ESYT1: variants seen among roughly 807,000 people sequenced by gnomAD.
The protein encoded by ESYT1 is extended synaptotagmin 1, also known as extended synaptotagmin-1.
ESYT1 carries 116 observed loss-of-function variants against 154.2 expected under a neutral mutation model. That is an observed-to-expected ratio of 0.75 (90% CI 0.65 to 0.88). ESYT1 has a LOEUF of 0.88. Among genes scored for constraint, ESYT1 ranks in the 40% least tolerant of loss-of-function variants. The pLI, the probability that ESYT1 is intolerant of heterozygous loss-of-function variation, is 0.00. For synonymous variants in ESYT1, 500 were observed against 539.9 expected, an observed-to-expected ratio of 0.93 and a Z score of 1.02; for missense variants, 1,264 against 1,379.3, an observed-to-expected ratio of 0.92 and a Z score of 1.32.
chr12:56,142,977 T>C lies in ESYT1; in HGVS notation c.2988-40T>C. The C allele has an allele frequency of 6.2e-7, 1 of 1,614,058 alleles. No individual in the cohort carries two copies. The highest frequency in any genetic ancestry group is 8.5e-7 in the Non-Finnish European group (1 of 1,179,990). ...TGTCCTCCAGATCGCCTCCATCCCT[T>C]CCCTCAGGTTACCATATCACCTACA... On this transcript the variant is annotated intron_variant, in intron 27 of 30. Transcript: ENST00000394048. This position sits in a 1 kb window ranked among gnomAD's most constrained non-coding sequence, Gnocchi z 4.1.
At chr12:56,141,535 T>C (rs934649397) in intron 24 of ESYT1, among the ~76,000 whole-genome samples, 5 of 151,994 alleles carry the variant, frequency 3.3e-5, no homozygotes, top group Non-Finnish European at 7.4e-5. Context: ...GGTCAGGAGA[T>C]CGAGACCATC....
At chr12:56,141,688 T>A (rs1047553425) in intron 24 of ESYT1, among the ~76,000 whole-genome samples, 2 of 151,946 alleles carry the variant, frequency 1.3e-5, no homozygotes, top group Non-Finnish European at 2.9e-5. Flanking sequence ...TGCAGTGAGC[T>A]GAGATTGCGC....
At position 56,130,817 on chromosome 12, in the gene ESYT1, G is replaced by A; in HGVS notation, c.459G>A (p.Leu153=). The change falls in exon 3 of 31, where the codon CTG becomes CTA. Residue 153 remains leucine (L), a synonymous_variant. Transcript: ENST00000394048. ...NKIVAQVWPF[L]GQYMEKLLAE... is the part of the protein sequence containing the mutation. ...TTGTGGCCCAGGTCTGGCCCTTCCT[G>A]GGCCAGTATATGGAGAAGCTTCTGG... The A allele has an allele frequency of 6.2e-7, 1 of 1,614,026 alleles. No individual in the cohort carries two copies.
At chr12:56,139,059 G>GCCAGGAAGGAAA (rs1870584179) in intron 24 of ESYT1, 46 bp downstream of exon 24, 2 of 1,471,216 alleles carry the variant, frequency 1.4e-6, no homozygotes, top group Non-Finnish European at 1.9e-6. Flanking sequence ...TTCTGCCATG[G>GCCAGGAAGGAAA]CCAGGCAGGA....
At chr12:56,139,622 TC>T (rs1238352024) in intron 24 of ESYT1, among the ~76,000 whole-genome samples, 1 of 136,972 alleles carries the variant, frequency 7.3e-6, no homozygotes, top group Non-Finnish European at 1.6e-5. Flanking sequence ...GAGACTAGAG[TC>T]TCACTCTTAT....
Position 56,143,902 on chromosome 12 carries a change from C to T in ESYT1, c.*40C>T, listed in dbSNP as rs1565877863. The T allele has an allele frequency of 6.2e-7, 1 of 1,613,018 alleles. No homozygotes were observed. The highest frequency in any genetic ancestry group is 8.5e-7 in the Non-Finnish European group (1 of 1,179,842). ...CAGCCTGACTGCTCTGTCTTCCTGC[C>T]TTCGTCTCGCTCCATCACCGCCTCA... On this transcript the variant is annotated 3_prime_UTR_variant, in exon 31 of 31. Coordinates refer to ENST00000394048, the MANE Select transcript of ESYT1 (RefSeq NM_015292.3).
chr12:56,130,701 C>T lies in ESYT1; in HGVS notation c.432+78C>T, dbSNP rs1870197174. ...TCTTCTTGCCAGACCCATCCTCAACCCTCAGTGCTCTCCGTGGGGAGGATT... is the reference window on the plus strand; with the variant it reads ...TCTTCTTGCCAGACCCATCCTCAACTCTCAGTGCTCTCCGTGGGGAGGATT... On this transcript the variant is annotated intron_variant, in intron 2 of 30. Coordinates refer to ENST00000394048, the MANE Select transcript of ESYT1 (RefSeq NM_015292.3). 8 of 1,612,892 alleles carry T rather than the reference C, an allele frequency of 5.0e-6. No individual in the cohort carries two copies. The South Asian group carries it at 6.6e-5, about 13-fold the overall frequency.
Position 56,142,312 on chromosome 12 carries a change from G to A in ESYT1, c.2620G>A (p.Gly874Ser). 6.2e-7 allele frequency: 1 copy of A among 1,614,118 alleles called. No homozygotes were observed. Among genetic ancestry groups the A allele is most frequent in the Non-Finnish European group, 8.5e-7 (1 of 1,180,018 alleles). Residue 874 changes from glycine to serine, a missense_variant, in exon 25 of 31, where the codon GGC (glycine) becomes AGC (serine). By Grantham distance (56) the Gly-to-Ser change is moderately conservative. Coordinates refer to ENST00000394048, the MANE Select transcript of ESYT1 (RefSeq NM_015292.3). This position sits in a 1 kb window ranked among gnomAD's most constrained non-coding sequence, Gnocchi z 4.1. The stretch of plus-strand genomic sequence containing the variant: ...TCGGGGTGAGGGCACTGGCGTGCTG[G>A]GCTCATTATCCCTGCCCCTCTCAGA... The part of the protein sequence containing the change: ...QVRGEGTGVL[G>S]SLSLPLSELL...
In ESYT1 at chr12:56,137,600, A is replaced by G. The variant is rs776495476; in HGVS notation, c.2040A>G (p.Leu680=). 1.4e-5 allele frequency: 22 copies of G among 1,613,972 alleles called. No homozygotes were observed. The highest frequency in any genetic ancestry group is 1.7e-5 in the Admixed American group (1 of 59,984). The change falls in exon 18 of 31, where the codon CTA becomes CTG. Residue 680 remains leucine, a synonymous_variant. Transcript: ENST00000394048. The part of the protein sequence containing the change: ...VKGKSDPYVK[L]KLAGRSFRSH... Reference sequence around the variant, plus strand: ...GCAAGTCAGACCCCTATGTCAAACTAAAGTTGGCAGGACGAAGCTTCCGGA... The same window carrying G: ...GCAAGTCAGACCCCTATGTCAAACTGAAGTTGGCAGGACGAAGCTTCCGGA...
Position 56,133,680 on chromosome 12 carries a change from C to T in ESYT1, c.1380+6C>T, listed in dbSNP as rs1870333125. 1.2e-6 allele frequency: 2 copies of T among 1,614,104 alleles called. No individual in the cohort carries two copies. Among genetic ancestry groups the T allele is most frequent in the African/African-American group, 2.7e-5 (2 of 75,010 alleles). On this transcript the variant is annotated splice_donor_region_variant and intron_variant, in intron 12 of 30. Coordinates refer to ENST00000394048, the MANE Select transcript of ESYT1 (RefSeq NM_015292.3). ...ATGCAGAGAAACTGGAGCAGGTAAG[C>T]CACATGGGAAATAGGAAGCTGGCAG... is the stretch of plus-strand genomic sequence containing the variant.
In ESYT1 at chr12:56,136,675, T is replaced by C. The variant is rs1870470246; in HGVS notation, c.1633-69T>C. ...GAGAGGAATGAAGTTGGAGCCATGT[T>C]ATCATTTTCACAGTATGCCTCCCTT... On this transcript the variant is annotated intron_variant, in intron 15 of 30. Transcript: ENST00000394048. 15 of 1,429,094 alleles carry C rather than the reference T, an allele frequency of 1.0e-5. No individual in the cohort carries two copies. In the South Asian group the frequency reaches 2.1e-4, roughly 20 times the overall value. 88.5% of individuals were successfully genotyped at this position (1,429,094 alleles called of 1,614,324 possible).
At position 56,138,807 on chromosome 12, in the gene ESYT1, C is replaced by T; in HGVS notation, c.2473C>T (p.Leu825Phe). 6.2e-7 allele frequency: 1 copy of T among 1,614,216 alleles called. No homozygotes were observed. Among genetic ancestry groups the T allele is most frequent in the East Asian group, 2.2e-5 (1 of 44,888 alleles). Residue 825 changes from leucine (L) to phenylalanine (F), a missense_variant, in exon 23 of 31, where the codon CTC becomes TTC. By Grantham distance (22) the Leu-to-Phe change is conservative. Coordinates refer to ENST00000394048, the MANE Select transcript of ESYT1 (RefSeq NM_015292.3). ...GTKHLSPYAT[L>F]TVGDSSHKTK... ...CAAGCACCTCAGCCCTTATGCTACT[C>T]TCACTGTGGGAGATAGTTCTCATAA...
chr12:56,143,425 A>T, intron 29 of ESYT1, 92 bp downstream of exon 29: 2 of 1,497,090 alleles, frequency 1.3e-6, no homozygotes, highest in Non-Finnish European at 1.9e-6. Flanking sequence ...ACCCCACGTG[A>T]TCCTTTAGAG....
Position 56,142,938 on chromosome 12 carries a change from G to T in ESYT1, c.2987+5G>T. 6.2e-7 allele frequency: 1 copy of T among 1,614,116 alleles called. No homozygotes were observed. Among genetic ancestry groups the T allele is most frequent in the Non-Finnish European group, 8.5e-7 (1 of 1,180,028 alleles). On this transcript the variant is annotated splice_donor_5th_base_variant and intron_variant, in intron 27 of 30. Coordinates refer to ENST00000394048, the MANE Select transcript of ESYT1 (RefSeq NM_015292.3). The surrounding 1 kb of genome is among the most constrained non-coding windows in gnomAD (Gnocchi z 4.1). ...CAGCATTGTTCATGGTTGCCGGTGA[G>T]ACCCCATCCCTCCTGTCCTCCAGAT...
In ESYT1 at chr12:56,143,086, C is replaced by G; in HGVS notation, c.3057C>G (p.Asn1019Lys). Reference protein sequence around the residue: ...YVSLLLLPDKNRGTKRRTSQK... With the variant: ...YVSLLLLPDKKRGTKRRTSQK... ...CACTGTTGCTACTGCCAGACAAGAA[C>G]CGAGGCACCAAGAGGAGGACCTCAC... The change falls in exon 28 of 31, where the codon AAC (asparagine) becomes AAG (lysine). Residue 1019 changes from asparagine to lysine, a missense_variant. Transcript: ENST00000394048. The G allele has an allele frequency of 6.2e-7, 1 of 1,614,196 alleles. No individual in the cohort carries two copies. Among genetic ancestry groups the G allele is most frequent in the Non-Finnish European group, 8.5e-7 (1 of 1,180,032 alleles).
At chr12:56,131,414 G>A (rs1193026105) in intron 5 of ESYT1, 63 bp from the exon 6 acceptor site, 1 of 1,610,430 alleles carries the variant, frequency 6.2e-7, no homozygotes, top group African/African-American at 1.3e-5. Flanking sequence ...GGCTGAGAAA[G>A]TCTGGGAGGA....
intron 24 of ESYT1, among the ~76,000 whole-genome samples, chr12:56,139,364 G>A (rs1004049293): frequency 6.6e-5 from 10 of 151,154 alleles, no homozygotes; most frequent in Non-Finnish European, 1.5e-4. Flanking sequence ...CGCCCACCTC[G>A]GCCTCCCAAA....
Position 56,142,420 on chromosome 12 carries a change from C to T in ESYT1, c.2728C>T (p.Leu910=), listed in dbSNP as rs759562063. Residue 910 remains leucine (L), a synonymous_variant, in exon 25 of 31, where the codon CTA becomes TTA. Transcript: ENST00000394048. This position sits in a 1 kb window ranked among gnomAD's most constrained non-coding sequence, Gnocchi z 4.1. ...GQGQVLLRAQ[L]GILVSQHSGV... Reference sequence around the variant, plus strand: ...GGGGCAGGTGCTACTGAGAGCACAGCTAGGGGTGAGTGACAGGAGATGGTG... The same window carrying T: ...GGGGCAGGTGCTACTGAGAGCACAGTTAGGGGTGAGTGACAGGAGATGGTG... The T allele has an allele frequency of 6.2e-7, 1 of 1,612,282 alleles. No individual in the cohort carries two copies. Among genetic ancestry groups the T allele is most frequent in the East Asian group, 2.2e-5 (1 of 44,812 alleles).
chr12:56,142,209 T>C lies in ESYT1; in HGVS notation c.2593-76T>C. ...CCAAACCACCTATGAGTCCAAGCGTTTGGACCTTTAAAACACCAGGATTAA... is the reference window on the plus strand; with the variant it reads ...CCAAACCACCTATGAGTCCAAGCGTCTGGACCTTTAAAACACCAGGATTAA... On this transcript the variant is annotated intron_variant, in intron 24 of 30. Coordinates refer to ENST00000394048, the MANE Select transcript of ESYT1 (RefSeq NM_015292.3). The surrounding 1 kb of genome is among the most constrained non-coding windows in gnomAD (Gnocchi z 4.1). The C allele has an allele frequency of 6.4e-7, 1 of 1,562,264 alleles. No individual in the cohort carries two copies. Among genetic ancestry groups the C allele is most frequent in the Non-Finnish European group, 8.7e-7 (1 of 1,146,072 alleles).
Sources: gnomAD v4.1 joint callset for allele counts (sites outside exome capture counted in the v4.1 genomes callset) on GRCh38, gnomAD v4.1.1 for gene constraint, Gnocchi (gnomAD v3.1) non-coding constraint, MANE v1.5 for transcripts, NCBI Gene and HGNC (gene_info 2026-07-23, HGNC 2026-07-21) for gene names.